The following IPO11 variants were observed in gnomAD, a reference collection of about 807,000 sequenced individuals.
IPO11 encodes the protein importin 11.
Under a neutral mutation model 143.2 loss-of-function variants are expected in IPO11, and 66 were observed. That is an observed-to-expected ratio of 0.46 (90% confidence interval 0.38 to 0.57). The LOEUF (loss-of-function observed/expected upper bound fraction) is 0.57, where lower values mean the gene tolerates loss of function less well. IPO11 is among the 20% of genes least tolerant of loss of function. IPO11 has a pLI of 0.00. For missense variants in IPO11, 1,026 were observed against 1,141.0 expected (o/e 0.90, Z 1.45); for synonymous variants, 385 against 377.8 (o/e 1.02, Z -0.22).
At chr5:62,497,828 A>G (rs1741209910) in intron 16 of IPO11, among the ~76,000 whole-genome samples, 1 of 152,184 alleles carries the variant, frequency 6.6e-6, no homozygotes, top group Admixed American at 6.5e-5. Context: ...TTTGAGTGTG[A>G]TGTAAGTAAG....
intron 29 of IPO11, among the ~76,000 whole-genome samples, chr5:62,621,164 C>T (rs972456741): frequency 4.6e-5 from 7 of 152,020 alleles, no homozygotes; most frequent in African/African-American, 9.7e-5. Flanking sequence ...CTAGCCAATG[C>T]GATGAGAAGA....
intron 29 of IPO11, among the ~76,000 whole-genome samples, chr5:62,622,641 T>G (rs2112483900): frequency 6.6e-6 from 1 of 152,332 alleles, no homozygotes; most frequent in South Asian, 2.1e-4. Context: ...TCTGTCAAGT[T>G]TACTCTCAGA....
intron 29 of IPO11, among the ~76,000 whole-genome samples, chr5:62,603,122 A>G (rs1745566520): frequency 6.6e-6 from 1 of 152,232 alleles, no homozygotes; most frequent in South Asian, 2.1e-4. Context: ...TGATCTAAAC[A>G]AGAAGCTCCT....
intron 2 of IPO11, among the ~76,000 whole-genome samples, chr5:62,438,319 A>T (rs970992742): frequency 1.1e-4 from 16 of 152,240 alleles, no homozygotes; most frequent in Non-Finnish European, 2.4e-4. Context: ...TATAACAAAA[A>T]AGATGGCTGT....
intron 28 of IPO11, among the ~76,000 whole-genome samples, chr5:62,593,502 C>G (rs1393777605): frequency 6.6e-6 from 1 of 151,810 alleles, no homozygotes; most frequent in African/African-American, 2.4e-5. Flanking sequence ...ATAACAACAA[C>G]AACAAAAAAA....
intron 20 of IPO11, among the ~76,000 whole-genome samples, chr5:62,521,211 A>G (rs1421365308): frequency 1.3e-5 from 2 of 152,072 alleles, no homozygotes; most frequent in African/African-American, 2.4e-5. Flanking sequence ...TTCTTGTTTT[A>G]CATTCTTTTT....
intron 7 of IPO11, among the ~76,000 whole-genome samples, chr5:62,472,529 CTTT>C (rs11398365): frequency 3.0e-4 from 39 of 131,190 alleles, no homozygotes; most frequent in African/African-American, 2.5e-4. Flanking sequence ...ATATAAAAAT[CTTT>C]TTTTTTTTTT....
intron 26 of IPO11, among the ~76,000 whole-genome samples, chr5:62,558,576 T>G (rs1743655407): frequency 6.6e-6 from 1 of 152,172 alleles, no homozygotes. Flanking sequence ...AAAGTTCCAC[T>G]GGCAAAAGTA....
chr5:62,595,911 A>G (rs1745193529), intron 28 of IPO11, among the ~76,000 whole-genome samples: 1 of 151,828 alleles, frequency 6.6e-6, no homozygotes, highest in African/African-American at 2.4e-5. Context: ...TGAAAGGAAT[A>G]TTGGGAAATG....
chr5:62,624,758 G>C (rs1746499139), intron 29 of IPO11, among the ~76,000 whole-genome samples: 1 of 152,076 alleles, frequency 6.6e-6, no homozygotes, highest in South Asian at 2.1e-4. Context: ...GCTGAGGTGG[G>C]CGGATCATGA....
intron 28 of IPO11, among the ~76,000 whole-genome samples, chr5:62,598,531 CTTTCTTTTCTTTCT>C (rs1745363981): frequency 9.3e-5 from 1 of 10,762 alleles, no homozygotes; most frequent in African/African-American, 1.1e-3. Context: ...TCTTTCTTTT[CTTTCTTTTCTTTCT>C]TTTCTTTCTT....
At chr5:62,435,170 A>ATATG (rs1554047227) in intron 1 of IPO11, among the ~76,000 whole-genome samples, 1 of 103,398 alleles carries the variant, frequency 9.7e-6, no homozygotes, top group South Asian at 2.8e-4. Flanking sequence ...ATGTATATAT[A>ATATG]TGTATATATG....
intron 27 of IPO11, among the ~76,000 whole-genome samples, chr5:62,565,872 A>T (rs371443912): frequency 6.6e-6 from 1 of 151,366 alleles, no homozygotes; most frequent in East Asian, 2.0e-4. Context: ...GAGTGAGAGC[A>T]TGCAGTGCTT....
At chr5:62,604,283 T>A (rs6897129) in intron 29 of IPO11, among the ~76,000 whole-genome samples, 108,440 of 152,078 alleles carry the variant, frequency 0.71, 39,361 homozygotes, top group African/African-American at 0.85. Context: ...ATCTCGGCTC[T>A]CTGCAACCTC....
At chr5:62,575,115 A>G (rs1417074805) in intron 27 of IPO11, among the ~76,000 whole-genome samples, 1 of 152,244 alleles carries the variant, frequency 6.6e-6, no homozygotes, top group Non-Finnish European at 1.5e-5. Context: ...AAACTTAGAA[A>G]TGGTGACATA....
intron 24 of IPO11, among the ~76,000 whole-genome samples, chr5:62,537,864 T>C (rs917178975): frequency 3.9e-5 from 6 of 152,020 alleles, no homozygotes; most frequent in Admixed American, 2.6e-4. Flanking sequence ...CATAAATGTA[T>C]GTAGAAATAT....
At chr5:62,433,915 G>T (rs982602989) in intron 1 of IPO11, among the ~76,000 whole-genome samples, 1 of 152,102 alleles carries the variant, frequency 6.6e-6, no homozygotes, top group Non-Finnish European at 1.5e-5. Context: ...TTTGGTGGAG[G>T]GGGTGGGATG....
intron 29 of IPO11, among the ~76,000 whole-genome samples, chr5:62,616,380 A>G (rs530835824): frequency 6.6e-6 from 1 of 152,304 alleles, no homozygotes; most frequent in South Asian, 2.1e-4. Flanking sequence ...AGATTCCTCA[A>G]TAAATCAAAA....
intron 15 of IPO11, among the ~76,000 whole-genome samples, chr5:62,492,627 T>TC (rs755033465): frequency 3.3e-5 from 5 of 151,754 alleles, no homozygotes; most frequent in Non-Finnish European, 7.4e-5. Context: ...CACTGCAATC[T>TC]CTGCTTCCTG....
Sources: allele counts gnomAD v4.1 joint callset (sites outside exome capture counted in the v4.1 genomes callset), GRCh38; gene constraint gnomAD v4.1.1; transcripts MANE v1.5; gene names NCBI Gene and HGNC (gene_info 2026-07-23, HGNC 2026-07-21).